LHFPL2: variants seen among roughly 807,000 people sequenced by gnomAD.
The protein encoded by LHFPL2 is LHFPL tetraspan subfamily member 2, also known as LHFPL tetraspan subfamily member 2 protein.
Under a neutral mutation model 17.5 loss-of-function variants are expected in LHFPL2, and 7 were observed. The observed-to-expected ratio is 0.40, with a 90% CI of 0.23 to 0.75. LHFPL2 has a LOEUF of 0.75. Among genes scored for constraint, LHFPL2 ranks in the 30% least tolerant of loss-of-function variants. The probability of loss-of-function intolerance (pLI) is 0.37; values close to 1 mark genes in which losing one functional copy is unlikely to be tolerated. For missense variants in LHFPL2, 241 were observed against 294.8 expected (o/e 0.82, Z 1.34); for synonymous variants, 134 against 116.2 (o/e 1.15, Z -0.99).
At chr5:78,629,081 T>C (rs1745157838) in intron 2 of LHFPL2, among the ~76,000 whole-genome samples, 1 of 152,170 alleles carries the variant, frequency 6.6e-6, no homozygotes, top group African/African-American at 2.4e-5. Context: ...TTAAAAAAGA[T>C]GGATGAGGAC....
At chr5:78,496,134 T>C (rs1182107992) in intron 4 of LHFPL2, among the ~76,000 whole-genome samples, 1 of 152,206 alleles carries the variant, frequency 6.6e-6, no homozygotes, top group African/African-American at 2.4e-5. Context: ...ATTCAATAGC[T>C]GTTTACTGAG....
chr5:78,613,887 C>A (rs762429687), intron 2 of LHFPL2, among the ~76,000 whole-genome samples: 1 of 152,120 alleles, frequency 6.6e-6, no homozygotes, highest in African/African-American at 2.4e-5. Context: ...ATATCTCCAA[C>A]AAAGGACTGA....
chr5:78,590,823 T>C (rs779406636), intron 2 of LHFPL2, among the ~76,000 whole-genome samples: 1 of 152,222 alleles, frequency 6.6e-6, no homozygotes, highest in Non-Finnish European at 1.5e-5. Context: ...AGATGTTCTC[T>C]AAATGGATAA....
chr5:78,637,904 C>G (rs1561376799), intron 1 of LHFPL2, among the ~76,000 whole-genome samples: 1 of 152,188 alleles, frequency 6.6e-6, no homozygotes. Flanking sequence ...TCTGGAACAT[C>G]AGCCTCCCCA....
At chr5:78,635,030 T>C (rs1178273226) in intron 1 of LHFPL2, among the ~76,000 whole-genome samples, 1 of 152,210 alleles carries the variant, frequency 6.6e-6, no homozygotes, top group Non-Finnish European at 1.5e-5. Flanking sequence ...GGGTCAGTTC[T>C]TCACAGACAT....
At chr5:78,607,825 C>T (rs1359153881) in intron 2 of LHFPL2, among the ~76,000 whole-genome samples, 2 of 152,154 alleles carry the variant, frequency 1.3e-5, no homozygotes, top group Non-Finnish European at 2.9e-5. Flanking sequence ...ATGCATCTTG[C>T]TTGTTGTTGC....
chr5:78,503,565 G>A (rs1352273620), intron 4 of LHFPL2, among the ~76,000 whole-genome samples: 1 of 152,148 alleles, frequency 6.6e-6, no homozygotes, highest in Non-Finnish European at 1.5e-5. Context: ...AGGCATAGTG[G>A]CAGGTGCCTG....
At chr5:78,515,771 C>T (rs1019504586) in intron 3 of LHFPL2, among the ~76,000 whole-genome samples, 50 of 152,164 alleles carry the variant, frequency 3.3e-4, no homozygotes, top group Admixed American at 3.2e-3. Context: ...GAGCCTTTCA[C>T]AGAAAGGCCA....
At chr5:78,545,862 G>A (rs776521129) in intron 3 of LHFPL2, among the ~76,000 whole-genome samples, 1 of 152,124 alleles carries the variant, frequency 6.6e-6, no homozygotes, top group African/African-American at 2.4e-5. Flanking sequence ...CATTTGGAAG[G>A]GTATGAAGTC....
chr5:78,592,411 G>C (rs1743659158), intron 2 of LHFPL2, among the ~76,000 whole-genome samples: 1 of 152,208 alleles, frequency 6.6e-6, no homozygotes, highest in African/African-American at 2.4e-5. Flanking sequence ...ATTTGGGTTT[G>C]TCTCCTGTGT....
intron 4 of LHFPL2, among the ~76,000 whole-genome samples, chr5:78,504,367 C>T (rs1163314880): frequency 2.6e-5 from 4 of 152,198 alleles, no homozygotes; most frequent in Non-Finnish European, 2.9e-5. Context: ...CAGGCATCTC[C>T]GTCCATCTCC....
At chr5:78,645,088 C>T (rs1042137128) in intron 1 of LHFPL2, among the ~76,000 whole-genome samples, 1 of 152,198 alleles carries the variant, frequency 6.6e-6, no homozygotes, top group African/African-American at 2.4e-5. Flanking sequence ...ACTAGCCATA[C>T]CCTGCTACCA....
intron 1 of LHFPL2, among the ~76,000 whole-genome samples, chr5:78,643,147 C>T (rs1226799785): frequency 6.6e-6 from 1 of 152,240 alleles, no homozygotes; most frequent in Non-Finnish European, 1.5e-5. Flanking sequence ...CTTCCCAGCA[C>T]AACCTTGACT....
intron 3 of LHFPL2, among the ~76,000 whole-genome samples, chr5:78,513,538 C>T (rs566616611): frequency 1.2e-3 from 179 of 152,286 alleles, no homozygotes; most frequent in Non-Finnish European, 1.8e-3. Flanking sequence ...AAAATCGAGG[C>T]TTCCTGGGGG....
At chr5:78,618,394 G>A (rs1744695515) in intron 2 of LHFPL2, among the ~76,000 whole-genome samples, 1 of 152,172 alleles carries the variant, frequency 6.6e-6, no homozygotes, top group South Asian at 2.1e-4. Flanking sequence ...AGGTGCTTCT[G>A]TTCCATGTGG....
chr5:78,518,341 G>A (rs1755350159), intron 3 of LHFPL2, among the ~76,000 whole-genome samples: 1 of 152,192 alleles, frequency 6.6e-6, no homozygotes, highest in South Asian at 2.1e-4. Context: ...GGCCGAGGCG[G>A]GCAGATCACC....
chr5:78,531,482 T>C (rs1755783411), intron 3 of LHFPL2, among the ~76,000 whole-genome samples: 1 of 151,760 alleles, frequency 6.6e-6, no homozygotes, highest in Non-Finnish European at 1.5e-5. Flanking sequence ...AAAGATAGCA[T>C]CAGCATTCCT....
intron 2 of LHFPL2, among the ~76,000 whole-genome samples, chr5:78,607,802 G>A (rs780910319): frequency 2.6e-5 from 4 of 152,146 alleles, no homozygotes; most frequent in Admixed American, 6.5e-5. Flanking sequence ...TTTCCCCTAA[G>A]CCGAAGGTAC....
At chr5:78,550,328 T>G (rs972982613) in intron 3 of LHFPL2, among the ~76,000 whole-genome samples, 2 of 152,086 alleles carry the variant, frequency 1.3e-5, no homozygotes, top group African/African-American at 4.8e-5. Context: ...ATGATCCCAA[T>G]AGTGGGTGAA....
Sources: allele counts gnomAD v4.1 joint callset (sites outside exome capture counted in the v4.1 genomes callset), GRCh38; gene constraint gnomAD v4.1.1; transcripts MANE v1.5; gene names NCBI Gene and HGNC (gene_info 2026-07-23, HGNC 2026-07-21).